ATF7IP2: variants seen among roughly 807,000 people sequenced by gnomAD.
ATF7IP2 encodes activating transcription factor 7-interacting protein 2.
ATF7IP2 carries 42 observed loss-of-function variants against 64.2 expected under a neutral mutation model. The observed-to-expected ratio is 0.65, with a 90% CI of 0.51 to 0.85. The LOEUF is 0.85. Ranked by LOEUF, ATF7IP2 falls within the 40% of genes least tolerant of loss-of-function variation. ATF7IP2 has a pLI of 0.00. For synonymous variants in ATF7IP2, 308 were observed against 272.8 expected (o/e 1.13, Z -1.27); for missense variants, 933 against 784.2 (o/e 1.19, Z -2.27).
At chr16:10,463,326 G>A (rs1430053691) in intron 9 of ATF7IP2, among the ~76,000 whole-genome samples, 1 of 152,158 alleles carries the variant, frequency 6.6e-6, no homozygotes, top group Non-Finnish European at 1.5e-5. Flanking sequence ...ACAAATTTTC[G>A]ATACCCCTCC....
intron 1 of ATF7IP2, among the ~76,000 whole-genome samples, chr16:10,393,332 A>G (rs1324339703): frequency 6.6e-6 from 1 of 151,234 alleles, no homozygotes; most frequent in East Asian, 1.9e-4. Context: ...AAAAAAAAAA[A>G]AAAAAAAAAA....
chr16:10,421,001 T>C (rs1452952542), intron 3 of ATF7IP2, among the ~76,000 whole-genome samples: 1 of 152,236 alleles, frequency 6.6e-6, no homozygotes. Context: ...TGAAACAGTT[T>C]TGTTTTAGGA....
rs568589134 is a variant in ATF7IP2, at chr16:10,466,941, A to G, written c.1353-5169A>G. Among the ~76,000 whole-genome samples the G allele has an allele frequency of 2.7e-5, 4 of 148,742 alleles. No individual in the cohort carries two copies. In the South Asian group the frequency reaches 6.3e-4, roughly 24 times the overall value. ...TTGGATCACCTGTGCATCTGTTTCT[A>G]TTGTTTTTCTGTCAGTCTCTGGTTT... is the stretch of plus-strand genomic sequence containing the variant. On this transcript the variant is annotated intron_variant, in intron 9 of 13. Coordinates refer to ENST00000562102, the MANE Select transcript of ATF7IP2 (RefSeq NM_001393719.1).
At chr16:10,475,722 GA>G (rs386384218) in intron 12 of ATF7IP2, among the ~76,000 whole-genome samples, 19,242 of 41,792 alleles carry the variant, frequency 0.46, 2,865 homozygotes, top group Admixed American at 0.53. Context: ...TAAGAAGCCA[GA>G]AAAAAAAAAA....
chr16:10,392,284 A>T (rs1048634224), intron 1 of ATF7IP2, among the ~76,000 whole-genome samples: 1 of 151,204 alleles, frequency 6.6e-6, no homozygotes, highest in African/African-American at 2.4e-5. Context: ...GGTGATCCAC[A>T]TGCCTTGGCC....
chr16:10,387,962 G>C (rs976112120), intron 1 of ATF7IP2, among the ~76,000 whole-genome samples: 2 of 151,952 alleles, frequency 1.3e-5, no homozygotes, highest in Non-Finnish European at 1.5e-5. Flanking sequence ...GAGTGAAGTG[G>C]CGCGATCTCG....
At chr16:10,401,436 G>A (rs1010284166) in intron 1 of ATF7IP2, among the ~76,000 whole-genome samples, 6 of 152,180 alleles carry the variant, frequency 3.9e-5, no homozygotes, top group African/African-American at 1.4e-4. Context: ...CCACAGTGCT[G>A]GGATTACAGG....
intron 3 of ATF7IP2, among the ~76,000 whole-genome samples, chr16:10,426,854 TG>T (rs200558584): frequency 3.3e-5 from 5 of 152,092 alleles, no homozygotes; most frequent in African/African-American, 1.2e-4. Context: ...GGTTTTTTTT[TG>T]TTGTTGTTTT....
chr16:10,432,913 G>A (rs867133078), intron 5 of ATF7IP2, among the ~76,000 whole-genome samples: 5 of 151,950 alleles, frequency 3.3e-5, no homozygotes, highest in South Asian at 2.1e-4. Context: ...ATAAAATAAC[G>A]TAGAACCACT....
chr16:10,456,583 T>C (rs2049176840), intron 8 of ATF7IP2, among the ~76,000 whole-genome samples: 1 of 152,200 alleles, frequency 6.6e-6, no homozygotes, highest in African/African-American at 2.4e-5. Flanking sequence ...CTGGCTCCAC[T>C]GGGTCTCCCA....
At chr16:10,468,541 A>G (rs1229188720) in intron 9 of ATF7IP2, among the ~76,000 whole-genome samples, 1 of 152,244 alleles carries the variant, frequency 6.6e-6, no homozygotes, top group African/African-American at 2.4e-5. Context: ...CCAGGTCAAG[A>G]GCAGGGATGG....
intron 1 of ATF7IP2, among the ~76,000 whole-genome samples, chr16:10,394,295 G>A (rs901691697): frequency 7.2e-5 from 11 of 152,158 alleles, no homozygotes; most frequent in African/African-American, 2.7e-4. Context: ...GAGATACATA[G>A]GGACATTCTA....
intron 1 of ATF7IP2, among the ~76,000 whole-genome samples, chr16:10,401,598 A>C (rs2047536604): frequency 6.6e-6 from 1 of 152,064 alleles, no homozygotes; most frequent in Admixed American, 6.6e-5. Flanking sequence ...TTTGATATCA[A>C]AGTGATACTA....
At chr16:10,478,714 G>C (rs2050100773) in intron 12 of ATF7IP2, among the ~76,000 whole-genome samples, 1 of 152,122 alleles carries the variant, frequency 6.6e-6, no homozygotes. Flanking sequence ...AGAGTGAACA[G>C]GCAACCTACA....
intron 1 of ATF7IP2, among the ~76,000 whole-genome samples, chr16:10,391,117 A>G (rs1021156315): frequency 6.6e-6 from 1 of 151,476 alleles, no homozygotes; most frequent in Non-Finnish European, 1.5e-5. Context: ...TGATCGCGCC[A>G]TTGCATTCCA....
intron 9 of ATF7IP2, among the ~76,000 whole-genome samples, chr16:10,463,245 G>C (rs536122017): frequency 1.3e-5 from 2 of 152,128 alleles, no homozygotes; most frequent in Non-Finnish European, 2.9e-5. Flanking sequence ...TCTTCCACCA[G>C]ACTAGATTCA....
chr16:10,461,056 AGAG>A (rs1294022145), intron 9 of ATF7IP2, among the ~76,000 whole-genome samples: 1 of 152,188 alleles, frequency 6.6e-6, no homozygotes, highest in Non-Finnish European at 1.5e-5. Context: ...ACTTCACAAA[AGAG>A]GAGTTCGAAA....
At chr16:10,435,740 A>G (rs546204501) in intron 6 of ATF7IP2, among the ~76,000 whole-genome samples, 1 of 152,258 alleles carries the variant, frequency 6.6e-6, no homozygotes, top group East Asian at 1.9e-4. Context: ...GCTTTCTCAA[A>G]CGTACCTGAT....
chr16:10,473,721 A>T (rs893528669), intron 11 of ATF7IP2, among the ~76,000 whole-genome samples, 187 bp downstream of exon 11: 1 of 152,172 alleles, frequency 6.6e-6, no homozygotes, highest in South Asian at 2.1e-4. Context: ...CTCCTTAGTC[A>T]TATTCTCAGA....
Sources: gnomAD v4.1 joint callset for allele counts (sites outside exome capture counted in the v4.1 genomes callset) on GRCh38, gnomAD v4.1.1 for gene constraint, MANE v1.5 for transcripts, NCBI Gene and HGNC (gene_info 2026-07-23, HGNC 2026-07-21) for gene names.